SGCZ: variants seen among roughly 807,000 people sequenced by gnomAD.
The protein encoded by SGCZ is sarcoglycan zeta, also known as zeta-sarcoglycan.
SGCZ carries 40 observed loss-of-function variants against 41.3 expected under a neutral mutation model. That is an observed-to-expected ratio of 0.97 (90% CI 0.75 to 1.26). SGCZ has a LOEUF of 1.26. Among genes scored for constraint, SGCZ ranks in the 50% most tolerant of loss-of-function variants. The probability of loss-of-function intolerance (pLI) is 0.00; values close to 1 mark genes in which losing one functional copy is unlikely to be tolerated. For missense variants in SGCZ, 552 were observed against 369.8 expected (o/e 1.49, Z -4.04); for synonymous variants, 206 against 137.5 (o/e 1.50, Z -3.49).
intron 1 of SGCZ, among the ~76,000 whole-genome samples, chr8:15,233,998 T>G (rs556438147): frequency 6.6e-6 from 1 of 152,298 alleles, no homozygotes; most frequent in African/African-American, 2.4e-5. Flanking sequence ...AATTGCCAAA[T>G]TAATACAGGT....
At chr8:14,580,149 A>C (rs994870894) in intron 1 of SGCZ, among the ~76,000 whole-genome samples, 1 of 152,204 alleles carries the variant, frequency 6.6e-6, no homozygotes, top group Admixed American at 6.5e-5. Flanking sequence ...AGAATTGCTC[A>C]GTTAGGTTAT....
intron 1 of SGCZ, among the ~76,000 whole-genome samples, chr8:14,778,460 G>C (rs73531197): frequency 0.066 from 10,106 of 152,080 alleles, 721 homozygotes; most frequent in African/African-American, 0.18. Context: ...CAGATGCTCA[G>C]ACTCTACTGT....
intron 1 of SGCZ, among the ~76,000 whole-genome samples, chr8:15,044,813 G>A (rs974304741): frequency 2.0e-5 from 3 of 152,062 alleles, no homozygotes; most frequent in African/African-American, 7.2e-5. Context: ...AGCACAGCTT[G>A]AGTGAAGACA....
intron 2 of SGCZ, among the ~76,000 whole-genome samples, chr8:14,344,312 AG>A (rs1404908725): frequency 2.0e-5 from 3 of 152,000 alleles, no homozygotes; most frequent in Non-Finnish European, 4.4e-5. Context: ...AGATTCAAGA[AG>A]TCTATGAAAC....
intron 5 of SGCZ, 85 bp from the exon 6 acceptor site, chr8:14,108,320 C>T (rs939815064): frequency 8.0e-7 from 1 of 1,252,964 alleles, no homozygotes; most frequent in Middle Eastern, 1.9e-4. Flanking sequence ...AAATATTCTT[C>T]CAAAACAGAG....
intron 1 of SGCZ, among the ~76,000 whole-genome samples, chr8:14,984,816 T>G (rs564867076): frequency 6.6e-6 from 1 of 152,310 alleles, no homozygotes; most frequent in South Asian, 2.1e-4. Flanking sequence ...GTTTTCTGTG[T>G]AGTGTAGTTT....
At chr8:14,441,939 G>A (rs1656650630) in intron 2 of SGCZ, among the ~76,000 whole-genome samples, 2 of 152,072 alleles carry the variant, frequency 1.3e-5, no homozygotes, top group African/African-American at 4.8e-5. Context: ...TGGCTTTTCT[G>A]ACGTATCTAA....
At chr8:14,247,894 G>A (rs1373025242) in intron 3 of SGCZ, among the ~76,000 whole-genome samples, 2 of 152,176 alleles carry the variant, frequency 1.3e-5, no homozygotes, top group Non-Finnish European at 2.9e-5. Context: ...TAGACATTGT[G>A]TCTTATTTTG....
rs562437584 is a variant in SGCZ at position 14,607,164 on chromosome 8, A to G, written c.40-52238T>C. Among the ~76,000 whole-genome samples the G allele has an allele frequency of 1.7e-4, 26 of 152,292 alleles. No homozygotes were observed. In the South Asian group the frequency reaches 5.4e-3, roughly 32 times the overall value. On this transcript the variant is annotated intron_variant, in intron 1 of 7. Transcript: ENST00000382080. ...CTTGTGAACTTACTCTGAAGATTGA[A>G]CAAAACCATAAATTTATACATACAT...
intron 1 of SGCZ, among the ~76,000 whole-genome samples, chr8:14,963,625 G>T (rs1484313066): frequency 6.6e-6 from 1 of 152,120 alleles, no homozygotes; most frequent in Non-Finnish European, 1.5e-5. Context: ...TAGGATTACG[G>T]GTGTGAGCCA....
intron 7 of SGCZ, among the ~76,000 whole-genome samples, chr8:14,095,675 T>A (rs1801821517): frequency 6.6e-6 from 1 of 152,174 alleles, no homozygotes; most frequent in African/African-American, 2.4e-5. Context: ...TAGCATTGAA[T>A]CTATAAATTA....
At chr8:14,229,882 T>C (rs957977853) in intron 4 of SGCZ, among the ~76,000 whole-genome samples, 1 of 152,100 alleles carries the variant, frequency 6.6e-6, no homozygotes, top group African/African-American at 2.4e-5. Context: ...AAAAACATGT[T>C]TATGCTTAGC....
At chr8:15,216,007 A>G (rs1801387212) in intron 1 of SGCZ, among the ~76,000 whole-genome samples, 1 of 152,088 alleles carries the variant, frequency 6.6e-6, no homozygotes. Context: ...TGTATCTTTA[A>G]TATTTCTTTG....
At position 15,039,803 on chromosome 8, in the gene SGCZ, T is replaced by C. The variant is rs573332671; in HGVS notation, c.39+197782A>G. Among the ~76,000 whole-genome samples the C allele has an allele frequency of 2.6e-5, 4 of 152,338 alleles. No individual in the cohort carries two copies. The South Asian group carries it at 8.3e-4, about 32-fold the overall frequency. On this transcript the variant is annotated intron_variant, in intron 1 of 7. Coordinates refer to ENST00000382080, the MANE Select transcript of SGCZ (RefSeq NM_139167.4). ...GAACCAGGAATACGAATATTAATTATATGCTTACTTCCATTTTACATACGT... is the reference window on the plus strand; with the variant it reads ...GAACCAGGAATACGAATATTAATTACATGCTTACTTCCATTTTACATACGT...
chr8:14,737,819 A>G (rs1257020148), intron 1 of SGCZ, among the ~76,000 whole-genome samples: 1 of 152,130 alleles, frequency 6.6e-6, no homozygotes, highest in Non-Finnish European at 1.5e-5. Flanking sequence ...ACATGGTCAC[A>G]TATTGAGGCA....
intron 1 of SGCZ, among the ~76,000 whole-genome samples, chr8:14,774,085 A>G (rs1411677559): frequency 6.6e-6 from 1 of 152,150 alleles, no homozygotes; most frequent in East Asian, 1.9e-4. Flanking sequence ...CGTTGAGATT[A>G]ACATTTAAAT....
At chr8:14,419,119 T>A (rs1033855372) in intron 2 of SGCZ, among the ~76,000 whole-genome samples, 1 of 151,904 alleles carries the variant, frequency 6.6e-6, no homozygotes, top group Admixed American at 6.6e-5. Flanking sequence ...TTGGGAAAAG[T>A]ATAATAAAAA....
Position 15,237,770 on chromosome 8 carries a change from T to C in SGCZ, c.-147A>G. 1 of 666,256 alleles carries C rather than the reference T, an allele frequency of 1.5e-6. No individual in the cohort carries two copies. The highest frequency in any genetic ancestry group is 2.6e-6 in the Non-Finnish European group (1 of 379,536). 41.3% of individuals were successfully genotyped at this position (666,256 alleles called of 1,614,324 possible). A position where few individuals can be genotyped will look rare whatever the true frequency, so the allele number is the denominator to read the frequency against. ...TCTCATTCTCCGTGGTCACGCCGCC[T>C]CCACCGGGTTAAAAATAAGGAAAAT... On this transcript the variant is annotated 5_prime_UTR_variant, in exon 1 of 8. Coordinates refer to ENST00000382080, the MANE Select transcript of SGCZ (RefSeq NM_139167.4).
At chr8:15,046,779 G>C (rs1177452315) in intron 1 of SGCZ, among the ~76,000 whole-genome samples, 1 of 151,994 alleles carries the variant, frequency 6.6e-6, no homozygotes, top group Non-Finnish European at 1.5e-5. Flanking sequence ...ACAAATGTCT[G>C]ATGCTAATAC....
Sources: allele counts gnomAD v4.1 joint callset (sites outside exome capture counted in the v4.1 genomes callset), GRCh38; gene constraint gnomAD v4.1.1; transcripts MANE v1.5; gene names NCBI Gene and HGNC (gene_info 2026-07-23, HGNC 2026-07-21).